Variants in LARS2 observed in about 807,000 individuals in gnomAD.
The protein encoded by LARS2 is leucyl-tRNA synthetase 2, mitochondrial.
In LARS2, 81 loss-of-function variants were observed where a neutral mutation model predicts 116.6. That is an observed-to-expected ratio of 0.69 (90% CI 0.58 to 0.84). LARS2 has a LOEUF of 0.84. LARS2 is among the 40% of genes least tolerant of loss of function. LARS2 has a pLI of 0.00. For missense variants in LARS2, 968 were observed against 1,114.5 expected (o/e 0.87, Z 1.87); for synonymous variants, 396 against 407.2 (o/e 0.97, Z 0.33).
chr3:45,546,480 C>A lies in LARS2; in HGVS notation c.2533-871C>A, dbSNP rs561427896. Among the ~76,000 whole-genome samples the A allele has an allele frequency of 7.9e-5, 12 of 152,306 alleles. No homozygotes were observed. In the South Asian group the frequency reaches 2.5e-3, roughly 32 times the overall value. Reference sequence around the variant, plus strand: ...GCTAATGCAGACAATAAAAATGCCACCAAGTTCTGCAAAACTGAAAAAATG... The same window carrying A: ...GCTAATGCAGACAATAAAAATGCCAACAAGTTCTGCAAAACTGAAAAAATG... On this transcript the variant is annotated intron_variant, in intron 21 of 21. Coordinates refer to ENST00000645846, the MANE Select transcript of LARS2 (RefSeq NM_015340.4).
At chr3:45,541,024 C>T (rs541755392) in intron 20 of LARS2, among the ~76,000 whole-genome samples, 1 of 152,178 alleles carries the variant, frequency 6.6e-6, no homozygotes, top group East Asian at 1.9e-4. Context: ...TCAAGTGATC[C>T]TCCCATCTCA....
rs75613729 is a variant in LARS2 at position 45,478,168 on chromosome 3, C to T, written c.1018+1541C>T. ...TGCATGCTTATAAAGCCCAATATAGCTGTCTCTCTCAGGTTTATTTTCTTT... is the reference window on the plus strand; with the variant it reads ...TGCATGCTTATAAAGCCCAATATAGTTGTCTCTCTCAGGTTTATTTTCTTT... On this transcript the variant is annotated intron_variant, in intron 10 of 21. Transcript: ENST00000645846. Among the ~76,000 whole-genome samples, 1,305 of 152,274 alleles carry T rather than the reference C, an allele frequency of 8.6e-3. 16 individuals are homozygous for T. Among genetic ancestry groups the T allele is most frequent in the African/African-American group, 0.022 (917 of 41,558 alleles).
chr3:45,543,643 T>C (rs1393853008), intron 21 of LARS2, among the ~76,000 whole-genome samples: 1 of 151,902 alleles, frequency 6.6e-6, no homozygotes, highest in Admixed American at 6.6e-5. Flanking sequence ...TTTGTATTTT[T>C]AGTAGAGATG....
rs141598927 is a variant in LARS2 at position 45,468,181 on chromosome 3, ATCT to A, written c.751-6057_751-6055del. Among the ~76,000 whole-genome samples the A allele has an allele frequency of 3.5e-3, 536 of 152,290 alleles. 4 individuals carry two copies. Among genetic ancestry groups the A allele is most frequent in the African/African-American group, 0.012 (515 of 41,550 alleles). ...GGGTTAGATCATCATTTATTTACAC[ATCT>A]TCTTTAGACCTGAGTGTCTTAGAAA... On this transcript the variant is annotated intron_variant, in intron 8 of 21. Coordinates refer to ENST00000645846, the MANE Select transcript of LARS2 (RefSeq NM_015340.4).
chr3:45,527,705 C>A (rs376406338), intron 20 of LARS2, among the ~76,000 whole-genome samples: 2 of 152,110 alleles, frequency 1.3e-5, no homozygotes, highest in African/African-American at 4.8e-5. Flanking sequence ...AAATAGCAGT[C>A]CCTCATATCT....
At chr3:45,430,216 C>T (rs1698673818) in intron 6 of LARS2, among the ~76,000 whole-genome samples, 1 of 149,972 alleles carries the variant, frequency 6.7e-6, no homozygotes, top group South Asian at 2.1e-4. Context: ...TTGTGATCCG[C>T]CCGCCTTGGC....
At chr3:45,546,879 C>A (rs913381894) in intron 21 of LARS2, among the ~76,000 whole-genome samples, 1 of 152,150 alleles carries the variant, frequency 6.6e-6, no homozygotes, top group African/African-American at 2.4e-5. Context: ...TGACTGTGTC[C>A]CCCTTGAAAC....
intron 20 of LARS2, among the ~76,000 whole-genome samples, chr3:45,527,624 A>C (rs1700551192): frequency 7.1e-6 from 1 of 140,882 alleles, no homozygotes; most frequent in Non-Finnish European, 1.5e-5. Flanking sequence ...ACTCCGTCTC[A>C]AAAAAAAAAA....
chr3:45,497,127 T>C (rs1166623635), intron 14 of LARS2, among the ~76,000 whole-genome samples: 1 of 150,522 alleles, frequency 6.6e-6, no homozygotes, highest in South Asian at 2.1e-4. Context: ...ATAAACATGT[T>C]TTTTTTTTTC....
At chr3:45,495,872 T>G (rs1285318092) in intron 13 of LARS2, among the ~76,000 whole-genome samples, 3 of 152,182 alleles carry the variant, frequency 2.0e-5, no homozygotes, top group Non-Finnish European at 2.9e-5. Context: ...TATTCTTTTT[T>G]TTTTTTGAGA....
chr3:45,547,496 G>T lies in LARS2; in HGVS notation c.2678G>T (p.Arg893Ile). The change falls in exon 22 of 22, where the codon AGA becomes ATA. Residue 893 changes from arginine to isoleucine, a missense_variant. Transcript: ENST00000645846. ...ATCAAGAAGTCCTTCCTTTCCCCGA[G>T]AACTGCCCTCATCAACTTCCTGGTG... ...RSIKKSFLSP[R>I]TALINFLVQD The T allele has an allele frequency of 6.2e-7, 1 of 1,610,572 alleles. No individual in the cohort carries two copies. The highest frequency in any genetic ancestry group is 8.5e-7 in the Non-Finnish European group (1 of 1,178,946).
chr3:45,545,322 C>T (rs761936159), intron 21 of LARS2, among the ~76,000 whole-genome samples: 2 of 152,172 alleles, frequency 1.3e-5, no homozygotes, highest in Non-Finnish European at 1.5e-5. Context: ...GGGCCCTGTC[C>T]GGCAGGTGTC....
At chr3:45,391,313 G>T (rs142141083) in intron 1 of LARS2, among the ~76,000 whole-genome samples, 1 of 151,782 alleles carries the variant, frequency 6.6e-6, no homozygotes, top group East Asian at 1.9e-4. Context: ...GTGAAACGCC[G>T]TCTCTACTAA....
intron 20 of LARS2, among the ~76,000 whole-genome samples, chr3:45,540,244 G>A (rs1256695500): frequency 6.6e-6 from 1 of 152,102 alleles, no homozygotes. Flanking sequence ...GGATGACAGA[G>A]TGAGACTCTG....
intron 12 of LARS2, among the ~76,000 whole-genome samples, chr3:45,490,399 G>T (rs551186232): frequency 6.6e-6 from 1 of 152,282 alleles, no homozygotes; most frequent in South Asian, 2.1e-4. Context: ...GCCTCTCCTG[G>T]CTCTAGGCTG....
intron 11 of LARS2, 144 bp from the exon 12 acceptor site, chr3:45,488,553 A>C (rs1699855018): frequency 1.6e-6 from 1 of 626,254 alleles, no homozygotes; most frequent in South Asian, 2.0e-5. Flanking sequence ...CATTTTCCCA[A>C]CTAATGTGAT....
chr3:45,388,953 C>G (rs1377793679), intron 1 of LARS2: 1 of 152,224 alleles, frequency 6.6e-6, no homozygotes, highest in African/African-American at 2.4e-5. Flanking sequence ...TCCACTACTC[C>G]CCTACCCCAG....
chr3:45,394,408 G>A, intron 2 of LARS2, 25 bp from the exon 3 acceptor site: 1 of 1,394,060 alleles, frequency 7.2e-7, no homozygotes, highest in Non-Finnish European at 1.0e-6. Context: ...GCAGCTCATA[G>A]TGTGCTTTCT....
intron 13 of LARS2, among the ~76,000 whole-genome samples, chr3:45,493,441 GC>G (rs1418581741): frequency 2.0e-5 from 3 of 152,152 alleles, no homozygotes; most frequent in African/African-American, 7.2e-5. Flanking sequence ...GAGCTACTGA[GC>G]CAGTGTGGCC....
Sources: allele counts gnomAD v4.1 joint callset (sites outside exome capture counted in the v4.1 genomes callset), GRCh38; gene constraint gnomAD v4.1.1; transcripts MANE v1.5; gene names NCBI Gene and HGNC (gene_info 2026-07-23, HGNC 2026-07-21).